Variants in TRAPPC9 observed in about 807,000 individuals in gnomAD.
The protein encoded by TRAPPC9 is IKK2 binding protein.
A neutral mutation model predicts 124.0 loss-of-function variants in TRAPPC9; 83 were observed. The observed-to-expected ratio is 0.67, with a 90% CI of 0.56 to 0.80. The LOEUF (loss-of-function observed/expected upper bound fraction) is 0.80. Ranked by LOEUF, TRAPPC9 falls within the 30% of genes least tolerant of loss-of-function variation. The pLI is 0.00. For synonymous variants in TRAPPC9, 638 were observed against 617.5 expected (o/e 1.03, Z -0.49); for missense variants, 1,302 against 1,508.3 (o/e 0.86, Z 2.27).
chr8:140,126,408 C>G (rs928237218), intron 17 of TRAPPC9, among the ~76,000 whole-genome samples: 1 of 152,166 alleles, frequency 6.6e-6, no homozygotes, highest in African/African-American at 2.4e-5. Flanking sequence ...ATCAGCCCCC[C>G]AGTCCCATGT....
chr8:140,433,199 C>A (rs58713024), intron 4 of TRAPPC9, among the ~76,000 whole-genome samples: 45 of 150,392 alleles, frequency 3.0e-4, no homozygotes, highest in Non-Finnish European at 5.3e-4. Flanking sequence ...GGCTGAGACA[C>A]AAGAATCACT....
intron 11 of TRAPPC9, among the ~76,000 whole-genome samples, chr8:140,295,312 T>C (rs2065776690): frequency 6.6e-6 from 1 of 152,116 alleles, no homozygotes; most frequent in African/African-American, 2.4e-5. Flanking sequence ...AAAACCACCC[T>C]CCGTGTCAGC....
intron 19 of TRAPPC9, among the ~76,000 whole-genome samples, chr8:139,925,788 G>A (rs1832776953): frequency 6.9e-6 from 1 of 144,290 alleles, no homozygotes; most frequent in African/African-American, 2.6e-5. Flanking sequence ...AACAGAACTG[G>A]GGTTTGACTA....
At chr8:140,167,187 G>A (rs2061855324) in intron 17 of TRAPPC9, among the ~76,000 whole-genome samples, 1 of 151,922 alleles carries the variant, frequency 6.6e-6, no homozygotes, top group Admixed American at 6.6e-5. Context: ...TGAGATCAGA[G>A]TATGCAGGAT....
chr8:140,345,417 C>A (rs769881297), intron 9 of TRAPPC9, among the ~76,000 whole-genome samples: 1 of 152,176 alleles, frequency 6.6e-6, no homozygotes, highest in African/African-American at 2.4e-5. Context: ...GAAGTAGCAA[C>A]GGAAAATGAT....
chr8:140,109,799 C>A (rs926909176), intron 17 of TRAPPC9, among the ~76,000 whole-genome samples: 1 of 152,218 alleles, frequency 6.6e-6, no homozygotes, highest in African/African-American at 2.4e-5. Context: ...AAACAGAAGG[C>A]AGACACAGCC....
At chr8:140,085,236 C>T (rs1391410613) in intron 17 of TRAPPC9, among the ~76,000 whole-genome samples, 2 of 151,862 alleles carry the variant, frequency 1.3e-5, no homozygotes, top group South Asian at 2.1e-4. Context: ...GAAGGCTCCA[C>T]GAGCCCACAC....
intron 21 of TRAPPC9, among the ~76,000 whole-genome samples, chr8:139,821,519 T>G (rs1825251816): frequency 6.6e-6 from 1 of 152,226 alleles, no homozygotes; most frequent in South Asian, 2.1e-4. Flanking sequence ...CATCTCCATA[T>G]GCATCAATGT....
chr8:139,919,845 G>A lies in TRAPPC9; in HGVS notation c.2811-9545C>T, dbSNP rs185913979. 1.5e-4 allele frequency among the ~76,000 whole-genome samples: 23 copies of A among 152,278 alleles called. No homozygotes were observed. In the East Asian group the frequency reaches 3.3e-3, roughly 22 times the overall value. ...GTGGCTTGAGGGCCCAAGGCAGCAC[G>A]GTCTCCATGCTCCCTGGTTTTACCC... On this transcript the variant is annotated intron_variant, in intron 19 of 22. Coordinates refer to ENST00000438773, the MANE Select transcript of TRAPPC9 (RefSeq NM_001160372.4).
intron 17 of TRAPPC9, among the ~76,000 whole-genome samples, chr8:140,132,047 C>G (rs1472490151): frequency 6.6e-6 from 1 of 152,222 alleles, no homozygotes; most frequent in Non-Finnish European, 1.5e-5. Flanking sequence ...GCCACGTAGT[C>G]CCTGCTCTCC....
At chr8:140,245,592 C>T (rs1177139825) in intron 16 of TRAPPC9, among the ~76,000 whole-genome samples, 1 of 152,102 alleles carries the variant, frequency 6.6e-6, no homozygotes, top group Admixed American at 6.6e-5. Context: ...CAATCATCAC[C>T]ATCATCTATC....
intron 21 of TRAPPC9, among the ~76,000 whole-genome samples, chr8:139,805,330 C>G (rs969319618): frequency 6.6e-6 from 1 of 152,200 alleles, no homozygotes; most frequent in Non-Finnish European, 1.5e-5. Context: ...CATCCAGAGT[C>G]CACCCAATCC....
chr8:140,444,841 C>CA (rs2071181158), intron 2 of TRAPPC9, among the ~76,000 whole-genome samples: 1 of 131,624 alleles, frequency 7.6e-6, no homozygotes, highest in Non-Finnish European at 1.6e-5. Context: ...CCAGCACGGG[C>CA]AACAAGAGTG....
intron 21 of TRAPPC9, among the ~76,000 whole-genome samples, chr8:139,787,174 G>A (rs569615194): frequency 6.6e-6 from 1 of 152,300 alleles, no homozygotes; most frequent in African/African-American, 2.4e-5. Context: ...ACGGGCGTGA[G>A]TGAGTGTGGC....
rs150204015 is a variant in TRAPPC9 at position 139,980,692 on chromosome 8, C to A, written c.2810+8034G>T. 1.8e-3 allele frequency among the ~76,000 whole-genome samples: 271 copies of A among 152,356 alleles called. 1 individual carries two copies. The highest frequency in any genetic ancestry group is 2.4e-3 in the Admixed American group (36 of 15,312). Reference sequence around the variant, plus strand: ...CGCACGGTGAGGCCCTGCCCAGGCACGCGAAGCCAGCTCGGGGCGGAGTTG... The same window carrying A: ...CGCACGGTGAGGCCCTGCCCAGGCAAGCGAAGCCAGCTCGGGGCGGAGTTG... On this transcript the variant is annotated intron_variant, in intron 19 of 22. Coordinates refer to ENST00000438773, the MANE Select transcript of TRAPPC9 (RefSeq NM_001160372.4).
intron 5 of TRAPPC9, among the ~76,000 whole-genome samples, chr8:140,426,060 CCT>C (rs1394532698): frequency 2.0e-5 from 3 of 152,126 alleles, no homozygotes; most frequent in Non-Finnish European, 2.9e-5. Context: ...TATTATTTAC[CCT>C]GTCATTGTTT....
At chr8:139,985,132 G>A (rs943271576) in intron 19 of TRAPPC9, among the ~76,000 whole-genome samples, 1 of 152,186 alleles carries the variant, frequency 6.6e-6, no homozygotes, top group East Asian at 1.9e-4. Flanking sequence ...ATTCAGAAAT[G>A]AGAATTTAAG....
At chr8:140,195,412 G>A (rs1374042093) in intron 17 of TRAPPC9, among the ~76,000 whole-genome samples, 8 of 151,074 alleles carry the variant, frequency 5.3e-5, no homozygotes, top group East Asian at 3.9e-4. Context: ...TGTACAGATC[G>A]CATCTGTGAC....
chr8:139,822,695 G>A (rs1825334534), intron 21 of TRAPPC9, among the ~76,000 whole-genome samples: 2 of 152,198 alleles, frequency 1.3e-5, no homozygotes, highest in Non-Finnish European at 1.5e-5. Context: ...CCTGCTGAGT[G>A]CATGCGTCCT....
Sources: gnomAD v4.1 joint callset for allele counts (sites outside exome capture counted in the v4.1 genomes callset) on GRCh38, gnomAD v4.1.1 for gene constraint, MANE v1.5 for transcripts, NCBI Gene and HGNC (gene_info 2026-07-23, HGNC 2026-07-21) for gene names.